ZNF729: variants seen among roughly 807,000 people sequenced by gnomAD.
The protein encoded by ZNF729 is zinc finger protein 729.
ZNF729 carries 15 observed loss-of-function variants against 12.2 expected under a neutral mutation model. That is an observed-to-expected ratio of 1.23 (90% CI 0.82 to 1.89). The LOEUF (loss-of-function observed/expected upper bound fraction) is 1.89, where lower values mean the gene tolerates loss of function less well. Ranked by LOEUF, ZNF729 falls within the 40% of genes most tolerant of loss-of-function variation. The probability of loss-of-function intolerance (pLI) is 0.00; values close to 1 mark genes in which losing one functional copy is unlikely to be tolerated. For missense variants in ZNF729, 1,540 were observed against 1,456.7 expected (o/e 1.06, Z -0.93); for synonymous variants, 492 against 476.3 (o/e 1.03, Z -0.43).
At chr19:22,308,803 C>T (rs1175820648) in intron 3 of ZNF729, among the ~76,000 whole-genome samples, 1 of 152,058 alleles carries the variant, frequency 6.6e-6, no homozygotes, top group Non-Finnish European at 1.5e-5. Flanking sequence ...TGAAGATTTT[C>T]TCCTACTCTG....
At position 22,304,780 on chromosome 19, in the gene ZNF729, C is replaced by G; in HGVS notation, c.250C>G (p.Pro84Ala). ...GAGACATGAGATGGTAACTAAACCC[C>G]CAGGTATGTGAGAGTGAATACAACA... Reference protein sequence around the residue: ...MKRHEMVTKPPVMRSHFTQDL... With the variant: ...MKRHEMVTKPAVMRSHFTQDL... The change falls in exon 3 of 4, where the codon CCA (proline) becomes GCA (alanine). Residue 84 changes from proline to alanine, a missense_variant. Physicochemically the swap from Pro to Ala is conservative, Grantham distance 27 (BLOSUM62 -1). Coordinates refer to ENST00000601693, the MANE Select transcript of ZNF729 (RefSeq NM_001242680.2). 6.2e-7 allele frequency: 1 copy of G among 1,612,130 alleles called. No individual in the cohort carries two copies. Among genetic ancestry groups the G allele is most frequent in the Non-Finnish European group, 8.5e-7 (1 of 1,179,128 alleles).
intron 1 of ZNF729, among the ~76,000 whole-genome samples, chr19:22,295,736 G>A (rs1267749308): frequency 6.6e-6 from 1 of 152,130 alleles, no homozygotes; most frequent in East Asian, 1.9e-4. Context: ...CTTTCAGCTT[G>A]TATCCATTCA....
intron 1 of ZNF729, among the ~76,000 whole-genome samples, chr19:22,295,426 C>T (rs1332268541): frequency 2.1e-5 from 3 of 144,620 alleles, no homozygotes; most frequent in African/African-American, 2.6e-5. Context: ...GTCGCTCTGT[C>T]GCCCAGGCTG....
chr19:22,289,703 A>G (rs967531811), intron 1 of ZNF729, among the ~76,000 whole-genome samples: 3 of 152,184 alleles, frequency 2.0e-5, no homozygotes, highest in Non-Finnish European at 2.9e-5. Flanking sequence ...TCCACAAGAA[A>G]ATATGGTAGG....
Position 22,298,069 on chromosome 19 carries a change from A to G in ZNF729, c.31-5689A>G, listed in dbSNP as rs544831651. ...CAAAGATAGGATGAAATTTAGCAAT[A>G]CAGAATGATAAAAGCTGAAAGATAC... On this transcript the variant is annotated intron_variant, in intron 1 of 3. Coordinates refer to ENST00000601693, the MANE Select transcript of ZNF729 (RefSeq NM_001242680.2). 2.0e-4 allele frequency among the ~76,000 whole-genome samples: 30 copies of G among 151,702 alleles called. No individual in the cohort carries two copies. In the South Asian group the frequency reaches 3.7e-3, roughly 19 times the overall value.
intron 1 of ZNF729, chr19:22,299,446 G>A (rs762520252): frequency 6.6e-6 from 1 of 152,368 alleles, no homozygotes; most frequent in Non-Finnish European, 1.5e-5. Flanking sequence ...AGCCAGGATG[G>A]TCTCGATCTC....
At chr19:22,295,339 T>G (rs1749066606) in intron 1 of ZNF729, among the ~76,000 whole-genome samples, 1 of 151,998 alleles carries the variant, frequency 6.6e-6, no homozygotes, top group Admixed American at 6.6e-5. Flanking sequence ...GGCCAGGACT[T>G]CCAATTCTCT....
chr19:22,311,048 C>G (rs972003955), intron 3 of ZNF729, among the ~76,000 whole-genome samples: 1 of 151,926 alleles, frequency 6.6e-6, no homozygotes, highest in African/African-American at 2.4e-5. Flanking sequence ...TCTCCTGTTT[C>G]CTTTCTTATT....
chr19:22,313,821 A>C lies in ZNF729; in HGVS notation c.404A>C (p.His135Pro), dbSNP rs1310511504. 3 of 1,589,710 alleles carry C rather than the reference A, an allele frequency of 1.9e-6. No individual in the cohort carries two copies. The highest frequency in any genetic ancestry group is 2.6e-6 in the Non-Finnish European group (3 of 1,170,106). Residue 135 changes from histidine to proline, a missense_variant, in exon 4 of 4, where the codon CAC (histidine) becomes CCC (proline). By Grantham distance (77) the His-to-Pro change is moderately conservative. Coordinates refer to ENST00000601693, the MANE Select transcript of ZNF729 (RefSeq NM_001242680.2). ...DCKSANEGKM[H>P]KEGYNKLNQC... The stretch of plus-strand genomic sequence containing the variant: ...AAAAGTGCCAATGAGGGTAAGATGC[A>C]CAAAGAAGGTTATAATAAACTTAAC...
At chr19:22,292,794 A>C (rs1319707428) in intron 1 of ZNF729, among the ~76,000 whole-genome samples, 2 of 152,136 alleles carry the variant, frequency 1.3e-5, no homozygotes, top group Non-Finnish European at 2.9e-5. Context: ...GGTTGATTCC[A>C]TGTCTTTGCT....
intron 1 of ZNF729, among the ~76,000 whole-genome samples, chr19:22,293,571 C>T (rs1968185340): frequency 6.9e-6 from 1 of 144,122 alleles, no homozygotes; most frequent in South Asian, 2.2e-4. Context: ...CGGCTCACTG[C>T]AACCTCCGCC....
intron 1 of ZNF729, among the ~76,000 whole-genome samples, chr19:22,296,199 G>C (rs928890512): frequency 6.6e-6 from 1 of 152,190 alleles, no homozygotes; most frequent in African/African-American, 2.4e-5. Context: ...TAGTAGAATG[G>C]TTCAGGCCCT....
intron 3 of ZNF729, among the ~76,000 whole-genome samples, chr19:22,311,148 T>C (rs976604520): frequency 1.3e-5 from 2 of 152,152 alleles, no homozygotes; most frequent in Non-Finnish European, 2.9e-5. Flanking sequence ...GGTTTTTGTT[T>C]CATTTATCTT....
intron 3 of ZNF729, among the ~76,000 whole-genome samples, chr19:22,313,349 G>T (rs1333514048): frequency 6.6e-6 from 1 of 152,222 alleles, no homozygotes; most frequent in Non-Finnish European, 1.5e-5. Context: ...GCTATTCCCA[G>T]TCAGCAATTT....
chr19:22,306,268 G>T (rs536178945), intron 3 of ZNF729, among the ~76,000 whole-genome samples: 1 of 151,626 alleles, frequency 6.6e-6, no homozygotes, highest in South Asian at 2.1e-4. Context: ...GAGAAACCCC[G>T]TCTCTACTGA....
intron 1 of ZNF729, among the ~76,000 whole-genome samples, chr19:22,294,586 T>C (rs1968199201): frequency 6.6e-6 from 1 of 152,010 alleles, no homozygotes; most frequent in East Asian, 1.9e-4. Context: ...TTTGATCTTT[T>C]CTACCTATGA....
chr19:22,289,516 C>T lies in ZNF729; in HGVS notation c.30+2961C>T, dbSNP rs533328077. ...CTGGTATTACAGGTGTGAGCCACTG[C>T]GCCCGGCAAAAATTTGTATTTACCC... On this transcript the variant is annotated intron_variant, in intron 1 of 3. Transcript: ENST00000601693. Among the ~76,000 whole-genome samples, 8 of 152,192 alleles carry T rather than the reference C, an allele frequency of 5.3e-5. No homozygotes were observed. In the South Asian group the frequency reaches 8.3e-4, roughly 16 times the overall value.
At chr19:22,289,452 C>G (rs897062804) in intron 1 of ZNF729, among the ~76,000 whole-genome samples, 16 of 151,932 alleles carry the variant, frequency 1.1e-4, no homozygotes, top group African/African-American at 3.4e-4. Context: ...GTCTCGATCT[C>G]CTGACCTTAT....
rs116318322 is a variant in ZNF729, at chr19:22,316,855, C to G, written c.3438C>G (p.Ile1146Met). The change falls in exon 4 of 4, where the codon ATC becomes ATG. Residue 1146 changes from isoleucine (I) to methionine (M), a missense_variant. By Grantham distance (10) the Ile-to-Met change is conservative. Transcript: ENST00000601693. The part of the protein sequence containing the change: ...ECGKAFSQSS[I>M]LTKHKIIHSV... ...GCAAAGCCTTTAGTCAGTCCTCAAT[C>G]CTTACTAAACATAAGATAATTCATT... The G allele has an allele frequency of 3.3e-4, 538 of 1,612,882 alleles. 2 individuals carry two copies. The African/African-American group carries it at 6.6e-3, about 20-fold the overall frequency.
Sources: gnomAD v4.1 joint callset for allele counts (sites outside exome capture counted in the v4.1 genomes callset) on GRCh38, gnomAD v4.1.1 for gene constraint, MANE v1.5 for transcripts, NCBI Gene and HGNC (gene_info 2026-07-23, HGNC 2026-07-21) for gene names.